HECW2: variants seen among roughly 807,000 people sequenced by gnomAD.
HECW2 encodes E3 ubiquitin-protein ligase HECW2.
HECW2 carries 61 observed loss-of-function variants against 175.2 expected under a neutral mutation model. The observed-to-expected ratio is 0.35, with a 90% confidence interval of 0.28 to 0.43. The LOEUF (loss-of-function observed/expected upper bound fraction) is 0.43, where lower values mean the gene tolerates loss of function less well. Among genes scored for constraint, HECW2 ranks in the 20% least tolerant of loss-of-function variants. The pLI, the probability that HECW2 is intolerant of heterozygous loss-of-function variation, is 1.00. For missense variants in HECW2, 1,524 were observed against 2,000.5 expected (o/e 0.76, Z 4.54); for synonymous variants, 671 against 731.0 (o/e 0.92, Z 1.32).
At position 196,562,044 on chromosome 2, in the gene HECW2, T is replaced by A. The variant is rs574470408; in HGVS notation, c.-36+31464A>T. 2.0e-5 allele frequency among the ~76,000 whole-genome samples: 3 copies of A among 152,354 alleles called. No homozygotes were observed. In the South Asian group the frequency reaches 6.2e-4, roughly 32 times the overall value. On this transcript the variant is annotated intron_variant, in intron 1 of 28. Transcript: ENST00000644978. Reference sequence around the variant, plus strand: ...GTATGACAACGCTTTAGACAGCATATTTAGATGTCGGCATGGTATGAAGTC... The same window carrying A: ...GTATGACAACGCTTTAGACAGCATAATTAGATGTCGGCATGGTATGAAGTC...
At chr2:196,439,726 G>A (rs567093514) in intron 1 of HECW2, among the ~76,000 whole-genome samples, 1 of 152,252 alleles carries the variant, frequency 6.6e-6, no homozygotes, top group East Asian at 1.9e-4. Context: ...AGGGAGTGGG[G>A]AGCCATTCCA....
At chr2:196,465,025 G>A (rs1696896814) in intron 1 of HECW2, among the ~76,000 whole-genome samples, 1 of 152,154 alleles carries the variant, frequency 6.6e-6, no homozygotes, top group South Asian at 2.1e-4. Context: ...GACAGTACAA[G>A]ACTCTGTTTC....
intron 2 of HECW2, among the ~76,000 whole-genome samples, chr2:196,358,636 TC>T (rs1483112202): frequency 6.6e-6 from 1 of 151,280 alleles, no homozygotes; most frequent in Non-Finnish European, 1.5e-5. Flanking sequence ...ATTTATTCCT[TC>T]TTTTAAAGGG....
At chr2:196,554,806 T>C (rs1368954614) in intron 1 of HECW2, among the ~76,000 whole-genome samples, 1 of 152,228 alleles carries the variant, frequency 6.6e-6, no homozygotes, top group East Asian at 1.9e-4. Context: ...CGAAGAGCAG[T>C]AGGCTCTGCA....
intron 19 of HECW2, among the ~76,000 whole-genome samples, chr2:196,243,171 C>T (rs1238554397): frequency 4.9e-5 from 7 of 142,358 alleles, no homozygotes; most frequent in Admixed American, 7.0e-5. Flanking sequence ...TTATTGGATT[C>T]TTTTTTTTTT....
intron 13 of HECW2, among the ~76,000 whole-genome samples, chr2:196,299,302 C>A (rs13391397): frequency 2.1e-5 from 3 of 145,914 alleles, no homozygotes; most frequent in Non-Finnish European, 4.5e-5. Flanking sequence ...AAAGGAAACA[C>A]GATAAAAACA....
intron 23 of HECW2, among the ~76,000 whole-genome samples, chr2:196,224,846 C>G (rs995536473): frequency 5.3e-5 from 8 of 152,014 alleles, no homozygotes; most frequent in African/African-American, 1.9e-4. Flanking sequence ...CACAAAGAAC[C>G]AAAGAGACAG....
In HECW2 at chr2:196,533,773, C is replaced by T. The variant is rs577419396; in HGVS notation, c.-36+59735G>A. On this transcript the variant is annotated intron_variant, in intron 1 of 28. Transcript: ENST00000644978. ...ACAGTTATAAGGTCAATGGTAGACT[C>T]GAGAATTTAATTAAGTGTGTAAGAT... 3.9e-5 allele frequency among the ~76,000 whole-genome samples: 6 copies of T among 152,234 alleles called. No homozygotes were observed. The South Asian group carries it at 1.2e-3, about 32-fold the overall frequency.
At chr2:196,469,005 T>C (rs1027837571) in intron 1 of HECW2, among the ~76,000 whole-genome samples, 13 of 152,088 alleles carry the variant, frequency 8.5e-5, no homozygotes, top group African/African-American at 2.4e-4. Context: ...ACAATTCTTT[T>C]TCAAGGAGAG....
intron 1 of HECW2, among the ~76,000 whole-genome samples, chr2:196,552,215 T>C (rs1285247857): frequency 6.6e-6 from 1 of 152,198 alleles, no homozygotes; most frequent in African/African-American, 2.4e-5. Flanking sequence ...ATATTTAAGT[T>C]GTAAATCAAA....
chr2:196,269,366 T>A (rs1689638465), intron 17 of HECW2: 1 of 151,692 alleles, frequency 6.6e-6, no homozygotes, highest in East Asian at 1.9e-4. Flanking sequence ...GCACCTGTCA[T>A]CCCAGCTACT....
intron 1 of HECW2, among the ~76,000 whole-genome samples, chr2:196,440,919 AC>A (rs1696022457): frequency 2.0e-5 from 3 of 152,152 alleles, no homozygotes; most frequent in South Asian, 2.1e-4. Flanking sequence ...ATTAAAAAAA[AC>A]CCTCCTTCTA....
chr2:196,529,331 T>C (rs1688768775), intron 1 of HECW2, among the ~76,000 whole-genome samples: 1 of 152,174 alleles, frequency 6.6e-6, no homozygotes, highest in South Asian at 2.1e-4. Context: ...TTTTGTTTGG[T>C]AATAGGAACT....
intron 3 of HECW2, among the ~76,000 whole-genome samples, chr2:196,337,681 C>A (rs1020205690): frequency 6.6e-6 from 1 of 151,150 alleles, no homozygotes; most frequent in Non-Finnish European, 1.5e-5. Flanking sequence ...TACCTCCATT[C>A]TTTTGGGCTA....
rs189931616 is a variant in HECW2 at position 196,372,634 on chromosome 2, T to C, written c.293-28870A>G. ...TGGCCAGGAAGAATAAAAATGAGGA[T>C]TTTTTCCTCCCTACCTAATTGTGTC... On this transcript the variant is annotated intron_variant, in intron 2 of 28. Coordinates refer to ENST00000644978, the MANE Select transcript of HECW2 (RefSeq NM_001348768.2). Among the ~76,000 whole-genome samples the C allele has an allele frequency of 2.2e-4, 33 of 152,218 alleles. No individual in the cohort carries two copies. In the East Asian group the frequency reaches 5.8e-3, roughly 27 times the overall value.
At chr2:196,454,274 A>ACC (rs1303401712) in intron 1 of HECW2, among the ~76,000 whole-genome samples, 2 of 152,216 alleles carry the variant, frequency 1.3e-5, no homozygotes, top group African/African-American at 4.8e-5. Flanking sequence ...TTTGATGTAT[A>ACC]AATAAGGTGA....
At chr2:196,467,007 C>A (rs576134794) in intron 1 of HECW2, among the ~76,000 whole-genome samples, 2 of 152,162 alleles carry the variant, frequency 1.3e-5, no homozygotes, top group Admixed American at 1.3e-4. Context: ...TAGTACCAAG[C>A]CTGCTGCCAT....
chr2:196,495,575 G>T (rs891423711), intron 1 of HECW2, among the ~76,000 whole-genome samples: 2 of 152,216 alleles, frequency 1.3e-5, no homozygotes, highest in Admixed American at 1.3e-4. Flanking sequence ...GTGGGATTTA[G>T]ACATGCAGAG....
chr2:196,275,945 A>G (rs1689938540), intron 15 of HECW2, among the ~76,000 whole-genome samples: 1 of 152,216 alleles, frequency 6.6e-6, no homozygotes, highest in African/African-American at 2.4e-5. Flanking sequence ...TGTAACTAGA[A>G]GTCTTCTCAT....
Sources: allele counts gnomAD v4.1 joint callset (sites outside exome capture counted in the v4.1 genomes callset), GRCh38; gene constraint gnomAD v4.1.1; transcripts MANE v1.5; gene names NCBI Gene and HGNC (gene_info 2026-07-23, HGNC 2026-07-21).